Variants in CERKL observed in about 807,000 individuals in gnomAD.
The protein encoded by CERKL is CERK like autophagy regulator, also known as ceramide kinase-like protein.
Under a neutral mutation model 63.4 loss-of-function variants are expected in CERKL, and 61 were observed. That is an observed-to-expected ratio of 0.96 (90% confidence interval 0.78 to 1.19). The LOEUF (loss-of-function observed/expected upper bound fraction) is 1.19. Among genes scored for constraint, CERKL ranks in the 50% most tolerant of loss-of-function variants. CERKL has a pLI of 0.00. For missense variants in CERKL, 675 were observed against 655.5 expected (o/e 1.03, Z -0.33); for synonymous variants, 250 against 230.5 (o/e 1.08, Z -0.77).
intron 1 of CERKL, among the ~76,000 whole-genome samples, chr2:181,620,903 A>G (rs148174803): frequency 0.014 from 2,087 of 152,324 alleles, 25 homozygotes; most frequent in Middle Eastern, 0.024. Context: ...TATTCATATG[A>G]TGAGTATTTT....
intron 1 of CERKL, among the ~76,000 whole-genome samples, chr2:181,612,090 A>G (rs1468604526): frequency 6.6e-6 from 1 of 152,216 alleles, no homozygotes; most frequent in Non-Finnish European, 1.5e-5. Flanking sequence ...TTTTTCCTAA[A>G]AGAGAAGAAA....
At chr2:181,606,534 G>C (rs1050203016) in intron 1 of CERKL, among the ~76,000 whole-genome samples, 1 of 63,250 alleles carries the variant, frequency 1.6e-5, no homozygotes, top group Non-Finnish European at 3.3e-5. Flanking sequence ...GTAGGGGAGA[G>C]GAGGGGGAGG....
In CERKL at chr2:181,537,812, A is replaced by G; in HGVS notation, c.*372T>C. The G allele has an allele frequency of 2.1e-6, 1 of 472,408 alleles. No homozygotes were observed. Among genetic ancestry groups the G allele is most frequent in the Non-Finnish European group, 4.2e-6 (1 of 239,308 alleles). 29.3% of individuals were successfully genotyped at this position (472,408 alleles called of 1,614,324 possible). A position where few individuals can be genotyped will look rare whatever the true frequency, so the allele number is the denominator to read the frequency against. On this transcript the variant is annotated 3_prime_UTR_variant, in exon 13 of 13. Transcript: ENST00000410087. ...ATTTCATCTTGACTTTTAAAGCCCT[A>G]GAGGCTAATTGTTAGTAACATCAAT...
intron 4 of CERKL, among the ~76,000 whole-genome samples, chr2:181,563,183 T>C (rs1688519030): frequency 6.6e-6 from 1 of 152,094 alleles, no homozygotes; most frequent in Admixed American, 6.6e-5. Context: ...CAATATAGAA[T>C]CTGAAGCTCT....
At chr2:181,578,233 T>C (rs1049727647) in intron 2 of CERKL, among the ~76,000 whole-genome samples, 10 of 142,492 alleles carry the variant, frequency 7.0e-5, no homozygotes, top group African/African-American at 1.9e-4. Flanking sequence ...CACACACACA[T>C]ATATGTGTGT....
chr2:181,593,415 T>C (rs561087662), intron 2 of CERKL, among the ~76,000 whole-genome samples: 14 of 152,248 alleles, frequency 9.2e-5, no homozygotes, highest in Admixed American at 8.5e-4. Context: ...AAAATAAACA[T>C]TTGTGGAGTT....
intron 1 of CERKL, among the ~76,000 whole-genome samples, chr2:181,618,188 A>T (rs1686286355): frequency 6.6e-6 from 1 of 152,096 alleles, no homozygotes; most frequent in African/African-American, 2.4e-5. Context: ...GTGAAGATAC[A>T]CTAAATTCTC....
At chr2:181,656,361 T>C (rs1688154269) in intron 1 of CERKL, among the ~76,000 whole-genome samples, 1 of 152,218 alleles carries the variant, frequency 6.6e-6, no homozygotes, top group Admixed American at 6.5e-5. Context: ...AGTTTCAATG[T>C]ACCATCAAAG....
At chr2:181,573,952 T>G in intron 2 of CERKL, 68 bp from the exon 3 acceptor site, 1 of 1,450,652 alleles carries the variant, frequency 6.9e-7, no homozygotes, top group Non-Finnish European at 9.6e-7. Flanking sequence ...CCCTTTAAAA[T>G]GACACACAAG....
At chr2:181,538,988 A>C (rs1476487663) in intron 12 of CERKL, 104 bp downstream of exon 12, 5 of 881,516 alleles carry the variant, frequency 5.7e-6, no homozygotes, top group African/African-American at 1.7e-5. Context: ...TTTTTTAAAA[A>C]CTAACCAACT....
chr2:181,633,350 G>A (rs938223323), intron 1 of CERKL, among the ~76,000 whole-genome samples: 10 of 152,152 alleles, frequency 6.6e-5, no homozygotes, highest in Non-Finnish European at 1.5e-4. Context: ...GGCTGAGGGA[G>A]GACAACAGCT....
intron 11 of CERKL, among the ~76,000 whole-genome samples, chr2:181,541,973 G>C (rs1013119225): frequency 6.6e-6 from 1 of 152,172 alleles, no homozygotes; most frequent in South Asian, 2.1e-4. Context: ...GATAAGACGA[G>C]ATGACAGAAC....
intron 5 of CERKL, among the ~76,000 whole-genome samples, chr2:181,551,664 G>A (rs928143568): frequency 1.3e-5 from 2 of 152,170 alleles, no homozygotes; most frequent in African/African-American, 4.8e-5. Flanking sequence ...ATGCTGGTAA[G>A]GCTGTGGAGA....
intron 1 of CERKL, among the ~76,000 whole-genome samples, chr2:181,645,107 C>T (rs761296419): frequency 9.2e-5 from 14 of 152,148 alleles, no homozygotes; most frequent in Non-Finnish European, 1.5e-4. Flanking sequence ...GGATCATTTA[C>T]CCACCACTCC....
At chr2:181,596,160 T>C (rs1173918221) in intron 2 of CERKL, among the ~76,000 whole-genome samples, 1 of 152,222 alleles carries the variant, frequency 6.6e-6, no homozygotes, top group Non-Finnish European at 1.5e-5. Context: ...AAAGGGCTTC[T>C]TCCTAGCAAA....
At chr2:181,632,423 T>C (rs1374727107) in intron 1 of CERKL, among the ~76,000 whole-genome samples, 1 of 152,210 alleles carries the variant, frequency 6.6e-6, no homozygotes, top group African/African-American at 2.4e-5. Flanking sequence ...TGAACGAGCA[T>C]GCAAGAGTTC....
At chr2:181,643,246 CAATAT>C (rs577970724) in intron 1 of CERKL, among the ~76,000 whole-genome samples, 36 of 152,166 alleles carry the variant, frequency 2.4e-4, no homozygotes, top group Non-Finnish European at 4.6e-4. Context: ...TACTTAGAGA[CAATAT>C]AATATAAGCC....
At chr2:181,620,653 G>A (rs1686409767) in intron 1 of CERKL, among the ~76,000 whole-genome samples, 1 of 152,158 alleles carries the variant, frequency 6.6e-6, no homozygotes, top group African/African-American at 2.4e-5. Context: ...CCTAGGACCA[G>A]GAAAGAGGTA....
chr2:181,552,907 T>C (rs1688048176), intron 5 of CERKL, among the ~76,000 whole-genome samples: 2 of 152,188 alleles, frequency 1.3e-5, no homozygotes, highest in Non-Finnish European at 2.9e-5. Flanking sequence ...TCAGGCCCCA[T>C]TCCAGACACA....
Sources: gnomAD v4.1 joint callset for allele counts (sites outside exome capture counted in the v4.1 genomes callset) on GRCh38, gnomAD v4.1.1 for gene constraint, MANE v1.5 for transcripts, NCBI Gene and HGNC (gene_info 2026-07-23, HGNC 2026-07-21) for gene names.